The following COL23A1 variants were observed in gnomAD, a reference collection of about 807,000 sequenced individuals.
The protein encoded by COL23A1 is collagen type XXIII alpha 1 chain.
In COL23A1, 97 loss-of-function variants were observed where a neutral mutation model predicts 99.3. The ratio of observed to expected loss-of-function variants is 0.98; its 90% CI spans 0.83 to 1.16. The LOEUF (loss-of-function observed/expected upper bound fraction) is 1.16, where lower values mean the gene tolerates loss of function less well. Among genes scored for constraint, COL23A1 ranks in the 50% most tolerant of loss-of-function variants. COL23A1 has a pLI of 0.00. For synonymous variants in COL23A1, 320 were observed against 308.2 expected (o/e 1.04, Z -0.40); for missense variants, 762 against 757.4 (o/e 1.01, Z -0.07).
rs562942632 is a variant in COL23A1, at chr5:178,366,736, C to T, written c.362-59817G>A. Among the ~76,000 whole-genome samples, 9 of 152,178 alleles carry T rather than the reference C, an allele frequency of 5.9e-5. No individual in the cohort carries two copies. The highest frequency in any genetic ancestry group is 2.1e-4 in the South Asian group (1 of 4,832). ...TCCCAAACCTCGCCGGAAGCACGTT[C>T]CTCCTCCGTGCCTGTGCTTCTGCTG... On this transcript the variant is annotated intron_variant, in intron 2 of 28. Coordinates refer to ENST00000390654, the MANE Select transcript of COL23A1 (RefSeq NM_173465.4). This position sits in a 1 kb window ranked among gnomAD's most constrained non-coding sequence, Gnocchi z 4.4.
At chr5:178,311,513 T>C (rs1210049443) in intron 2 of COL23A1, among the ~76,000 whole-genome samples, 2 of 40,780 alleles carry the variant, frequency 4.9e-5, no homozygotes, top group African/African-American at 1.7e-4. Context: ...TGTGCGCGTG[T>C]GTGTGTGTGT....
Position 178,306,687 on chromosome 5 carries a change from C to T in COL23A1, c.406+188G>A, listed in dbSNP as rs554504514. Among the ~76,000 whole-genome samples the T allele has an allele frequency of 8.0e-4, 121 of 152,026 alleles. No individual in the cohort carries two copies. Among genetic ancestry groups the T allele is most frequent in the African/African-American group, 2.7e-3 (110 of 41,446 alleles). On this transcript the variant is annotated intron_variant, in intron 3 of 28. Transcript: ENST00000390654. This position sits in a 1 kb window ranked among gnomAD's most constrained non-coding sequence, Gnocchi z 4.1. ...CTGGAATTGTGAATGCCAAGAAGCC[C>T]CGGAAAGGCAGTACTGGGTGCTGCG... is the stretch of plus-strand genomic sequence containing the variant.
intron 2 of COL23A1, among the ~76,000 whole-genome samples, chr5:178,338,497 A>C (rs561799650): frequency 3.3e-4 from 48 of 146,708 alleles, no homozygotes; most frequent in African/African-American, 1.2e-3. Flanking sequence ...GAAGCCCTTT[A>C]ATGACAGCAG....
chr5:178,249,912 C>A (rs1581448669), intron 18 of COL23A1, 149 bp downstream of exon 18: 1 of 1,072,526 alleles, frequency 9.3e-7, no homozygotes, highest in East Asian at 2.6e-5. Context: ...ACACAGGCAG[C>A]CTGGTGCCAA....
chr5:178,529,985 C>T (rs1391056402), intron 2 of COL23A1, among the ~76,000 whole-genome samples: 1 of 152,208 alleles, frequency 6.6e-6, no homozygotes, highest in East Asian at 1.9e-4. Flanking sequence ...AGCAGTCAGG[C>T]CTATCTGATA....
At chr5:178,554,825 T>C (rs1762183422) in intron 2 of COL23A1, among the ~76,000 whole-genome samples, 1 of 151,320 alleles carries the variant, frequency 6.6e-6, no homozygotes, top group Admixed American at 6.6e-5. Flanking sequence ...TGGGATCCAT[T>C]CTGGGACGTA....
At chr5:178,278,076 G>A (rs1219679662) in intron 5 of COL23A1, among the ~76,000 whole-genome samples, 1 of 152,228 alleles carries the variant, frequency 6.6e-6, no homozygotes, top group Non-Finnish European at 1.5e-5. Flanking sequence ...CCAGAGTAGG[G>A]AGCAGCAGCT....
intron 2 of COL23A1, among the ~76,000 whole-genome samples, chr5:178,474,329 GCAGT>G (rs1180436209): frequency 2.6e-5 from 4 of 152,302 alleles, no homozygotes; most frequent in East Asian, 1.9e-4. Context: ...CCAAAAACAC[GCAGT>G]CAGTGAAATT....
At chr5:178,557,710 C>T (rs916122383) in intron 2 of COL23A1, among the ~76,000 whole-genome samples, 1 of 152,180 alleles carries the variant, frequency 6.6e-6, no homozygotes, top group African/African-American at 2.4e-5. Flanking sequence ...CTCCACACTC[C>T]AAAAGCCCGA....
chr5:178,265,693 T>A (rs1004775778), intron 8 of COL23A1: 1 of 985,900 alleles, frequency 1.0e-6, no homozygotes, highest in Non-Finnish European at 1.2e-6. Context: ...TGGTCTCTAC[T>A]TATAAAGCCC....
intron 2 of COL23A1, among the ~76,000 whole-genome samples, chr5:178,533,732 C>A (rs908439893): frequency 1.3e-5 from 2 of 152,256 alleles, no homozygotes; most frequent in South Asian, 2.1e-4. Context: ...CTCCTGACCT[C>A]GTGATCCGCC....
At chr5:178,455,299 G>A (rs541724873) in intron 2 of COL23A1, among the ~76,000 whole-genome samples, 7 of 152,228 alleles carry the variant, frequency 4.6e-5, no homozygotes, top group Admixed American at 2.0e-4. Context: ...TTTCCAACCC[G>A]TTTGGGAGGA....
chr5:178,404,808 T>C (rs886905508), intron 2 of COL23A1, among the ~76,000 whole-genome samples: 1 of 152,158 alleles, frequency 6.6e-6, no homozygotes, highest in Non-Finnish European at 1.5e-5. Flanking sequence ...TGGCATTCCC[T>C]GGGGTGTGCG....
chr5:178,313,571 G>A lies in COL23A1; in HGVS notation c.362-6652C>T, dbSNP rs1758819695. ...GTGGAGAAATGGCGGAACTGGAACT[G>A]GAACCCGGGTCTGTGTGACTTCGGA... On this transcript the variant is annotated intron_variant, in intron 2 of 28. Coordinates refer to ENST00000390654, the MANE Select transcript of COL23A1 (RefSeq NM_173465.4). This position sits in a 1 kb window ranked among gnomAD's most constrained non-coding sequence, Gnocchi z 4.2. Among the ~76,000 whole-genome samples the A allele has an allele frequency of 3.9e-5, 6 of 152,186 alleles. No individual in the cohort carries two copies. The highest frequency in any genetic ancestry group is 3.9e-4 in the Admixed American group (6 of 15,290).
chr5:178,269,362 TCCACCCACCCATCTATCCATCCATCCACC>T (rs1756104339), intron 6 of COL23A1, among the ~76,000 whole-genome samples: 2 of 29,584 alleles, frequency 6.8e-5, no homozygotes, highest in Non-Finnish European at 1.9e-4. Context: ...CACCCACCCA[TCCACCCACCCATCTATCCATCCATCCACC>T]CACCCATCCA....
At chr5:178,420,557 T>C (rs1222993224) in intron 2 of COL23A1, among the ~76,000 whole-genome samples, 21 of 65,694 alleles carry the variant, frequency 3.2e-4, no homozygotes, top group Non-Finnish European at 5.5e-4. Flanking sequence ...CCCTGAGATG[T>C]GACCTCCCTC....
intron 2 of COL23A1, among the ~76,000 whole-genome samples, chr5:178,504,528 G>A (rs896379659): frequency 6.6e-6 from 1 of 152,180 alleles, no homozygotes; most frequent in Non-Finnish European, 1.5e-5. Flanking sequence ...GGTTTGAGGT[G>A]TGGGCTCAGG....
At chr5:178,451,770 A>G (rs893076613) in intron 2 of COL23A1, among the ~76,000 whole-genome samples, 1 of 152,140 alleles carries the variant, frequency 6.6e-6, no homozygotes, top group Non-Finnish European at 1.5e-5. Context: ...CACAGTCTAG[A>G]CTATTTTATT....
chr5:178,582,321 G>T (rs968826691), intron 1 of COL23A1, among the ~76,000 whole-genome samples: 2 of 152,084 alleles, frequency 1.3e-5, no homozygotes, highest in African/African-American at 4.8e-5. Flanking sequence ...AGCGGCAGCA[G>T]GAGCTGGAGC....
Sources: allele counts gnomAD v4.1 joint callset (sites outside exome capture counted in the v4.1 genomes callset), GRCh38; gene constraint gnomAD v4.1.1; non-coding constraint Gnocchi (gnomAD v3.1); transcripts MANE v1.5; gene names NCBI Gene and HGNC (gene_info 2026-07-23, HGNC 2026-07-21).